The following NEUROD4 variants were observed in gnomAD, a reference collection of about 807,000 sequenced individuals.
The protein encoded by NEUROD4 is neurogenic differentiation factor 4.
NEUROD4 carries 16 observed loss-of-function variants against 19.8 expected under a neutral mutation model. The ratio of observed to expected loss-of-function variants is 0.81; its 90% CI spans 0.55 to 1.23. The LOEUF (loss-of-function observed/expected upper bound fraction) is 1.23. Ranked by LOEUF, NEUROD4 falls within the 50% of genes most tolerant of loss-of-function variation. The pLI is 0.00. For missense variants in NEUROD4, 439 were observed against 398.6 expected (o/e 1.10, Z -0.86); for synonymous variants, 153 against 147.9 (o/e 1.03, Z -0.25).
At chr12:55,023,640 CATGGGATTCTCTTGGAAGTTA>C (rs1565595761) in intron 1 of NEUROD4, among the ~76,000 whole-genome samples, 2 of 152,148 alleles carry the variant, frequency 1.3e-5, no homozygotes, top group Non-Finnish European at 2.9e-5. Context: ...ACTATATACT[CATGGGATTCTCTTGGAAGTTA>C]ATGGACCGGC....
chr12:55,027,595 C>A lies in NEUROD4; in HGVS notation c.*160C>A, dbSNP rs1248864693. The A allele has an allele frequency of 4.5e-6, 3 of 665,082 alleles. No individual in the cohort carries two copies. Among genetic ancestry groups the A allele is most frequent in the Non-Finnish European group, 7.9e-6 (3 of 381,030 alleles). The allele number at this position is 665,082 out of a possible 1,614,324, so 41.2% of individuals were successfully genotyped here. A position where few individuals can be genotyped will look rare whatever the true frequency, so the allele number is the denominator to read the frequency against. On this transcript the variant is annotated 3_prime_UTR_variant, in exon 2 of 2. Transcript: ENST00000242994. ...TTCCTTCACCTATCACCTCTTTTCT[C>A]ATCACCTTCTCACATTGCATTGATT...
chr12:55,028,435 G>A lies in NEUROD4; in HGVS notation c.*1000G>A, dbSNP rs749091948. On this transcript the variant is annotated 3_prime_UTR_variant, in exon 2 of 2. Transcript: ENST00000242994. ...TTAAAGAGCAATAAAATAGCTATTGGCTATAATAACTACTATAGTTCAGGG... is the reference window on the plus strand; with the variant it reads ...TTAAAGAGCAATAAAATAGCTATTGACTATAATAACTACTATAGTTCAGGG... 29 of 167,000 alleles carry A rather than the reference G, an allele frequency of 1.7e-4. 1 individual carries two copies. The highest frequency in any genetic ancestry group is 4.0e-4 in the Non-Finnish European group (27 of 68,096). 10.3% of individuals were successfully genotyped at this position (167,000 alleles called of 1,614,324 possible).
intron 1 of NEUROD4, among the ~76,000 whole-genome samples, chr12:55,022,971 C>A (rs1952684741): frequency 6.6e-6 from 1 of 151,988 alleles, no homozygotes; most frequent in Admixed American, 6.6e-5. Flanking sequence ...AGAACAATAC[C>A]TAAAACTTAA....
rs1285212007 is a variant in NEUROD4 at position 55,020,227 on chromosome 12, C to G, written c.-96C>G. ...TCGCTGAAAGCGTCTCTTCTACCAT[C>G]TGGATGGTCAGGGAGACTTGGCTTC... On this transcript the variant is annotated 5_prime_UTR_variant, in exon 1 of 2. In the 5' UTR this introduces an upstream ATG that the reference lacks. Coordinates refer to ENST00000242994, the MANE Select transcript of NEUROD4 (RefSeq NM_021191.3). 1 of 152,274 alleles carries G rather than the reference C, an allele frequency of 6.6e-6. No homozygotes were observed. The highest frequency in any genetic ancestry group is 2.4e-5 in the African/African-American group (1 of 41,468). The allele number at this position is 152,274 out of a possible 1,614,324, so 9.4% of individuals were successfully genotyped here. A position where few individuals can be genotyped will look rare whatever the true frequency, so the allele number is the denominator to read the frequency against.
intron 1 of NEUROD4, among the ~76,000 whole-genome samples, chr12:55,022,038 C>T (rs1952676785): frequency 1.3e-5 from 2 of 152,122 alleles, no homozygotes; most frequent in Non-Finnish European, 2.9e-5. Flanking sequence ...AAACAATTGC[C>T]AACCCTCACA....
Position 55,025,862 on chromosome 12 carries a change from T to C in NEUROD4, c.-9-569T>C, listed in dbSNP as rs1020676181. Among the ~76,000 whole-genome samples, 9 of 152,356 alleles carry C rather than the reference T, an allele frequency of 5.9e-5. No homozygotes were observed. The South Asian group carries it at 1.2e-3, about 21-fold the overall frequency. Reference sequence around the variant, plus strand: ...AGGCTAGATGGATGTGAAATGCTTCTAAATACAGGTTGAGTAGTCTTTTGT... The same window carrying C: ...AGGCTAGATGGATGTGAAATGCTTCCAAATACAGGTTGAGTAGTCTTTTGT... On this transcript the variant is annotated intron_variant, in intron 1 of 1. Transcript: ENST00000242994.
chr12:55,025,117 T>C (rs1241759767), intron 1 of NEUROD4, among the ~76,000 whole-genome samples: 2 of 152,254 alleles, frequency 1.3e-5, no homozygotes, highest in Non-Finnish European at 1.5e-5. Flanking sequence ...TATCAGATAC[T>C]TTTATTTGGT....
In NEUROD4 at chr12:55,026,683, C is replaced by T; in HGVS notation, c.244C>T (p.Leu82Phe). 6.2e-7 allele frequency: 1 copy of T among 1,614,134 alleles called. No homozygotes were observed. Among genetic ancestry groups the T allele is most frequent in the African/African-American group, 1.3e-5 (1 of 75,030 alleles). ...GAAAAAGAAGATGACCAAAGCTCGC[C>T]TTGAGAGATTCAGGGCTCGAAGAGT... ...PKKKKMTKARLERFRARRVKA... is the reference protein window; with the variant it reads ...PKKKKMTKARFERFRARRVKA... The change falls in exon 2 of 2, where the codon CTT (leucine) becomes TTT (phenylalanine). Residue 82 changes from leucine to phenylalanine, a missense_variant. Leu to Phe is a conservative substitution (Grantham distance 22). Transcript: ENST00000242994.
At position 55,022,588 on chromosome 12, in the gene NEUROD4, G is replaced by A. The variant is rs775086194; in HGVS notation, c.-10+2275G>A. ...GGTTTTGGTGGGAAAAATTGTATTC[G>A]CAATACAGAAGGTTCATGAATCTGA... On this transcript the variant is annotated intron_variant, in intron 1 of 1. Coordinates refer to ENST00000242994, the MANE Select transcript of NEUROD4 (RefSeq NM_021191.3). Among the ~76,000 whole-genome samples the A allele has an allele frequency of 1.2e-4, 19 of 152,004 alleles. No homozygotes were observed. The East Asian group carries it at 2.9e-3, about 23-fold the overall frequency.
intron 1 of NEUROD4, among the ~76,000 whole-genome samples, chr12:55,021,920 A>G (rs1012841921): frequency 2.0e-5 from 3 of 152,088 alleles, no homozygotes; most frequent in African/African-American, 4.8e-5. Flanking sequence ...CCTATTTCCT[A>G]TGTAATTTGT....
chr12:55,021,235 G>A (rs1345425554), intron 1 of NEUROD4, among the ~76,000 whole-genome samples: 1 of 152,188 alleles, frequency 6.6e-6, no homozygotes, highest in East Asian at 1.9e-4. Context: ...GAAAAGAAGA[G>A]CATAGAGCAA....
chr12:55,027,185 A>G lies in NEUROD4; in HGVS notation c.746A>G (p.Tyr249Cys), dbSNP rs1439114312. 4.3e-6 allele frequency: 7 copies of G among 1,613,902 alleles called. No individual in the cohort carries two copies. Among genetic ancestry groups the G allele is most frequent in the Non-Finnish European group, 5.9e-6 (7 of 1,179,970 alleles). Residue 249 changes from tyrosine (Y) to cysteine (C), a missense_variant, in exon 2 of 2, where the codon TAT becomes TGT. Tyr to Cys is a radical substitution (Grantham distance 194, BLOSUM62 -2). Transcript: ENST00000242994. ...SHLPDCSTPP[Y>C]EGPLTPPLSI... ...CTGCCTGACTGCAGTACACCCCCTT[A>G]TGAGGGCCCACTCACTCCACCCCTG...
At position 55,027,379 on chromosome 12, in the gene NEUROD4, G is replaced by T; in HGVS notation, c.940G>T (p.Asp314Tyr). The T allele has an allele frequency of 6.2e-7, 1 of 1,613,826 alleles. No individual in the cohort carries two copies. Among genetic ancestry groups the T allele is most frequent in the Non-Finnish European group, 8.5e-7 (1 of 1,179,846 alleles). ...RYDVPIDMSY[D>Y]SYPHHGIGTQ... Reference sequence around the variant, plus strand: ...TGATGTTCCTATAGACATGTCCTATGATTCCTACCCCCATCATGGTATTGG... The same window carrying T: ...TGATGTTCCTATAGACATGTCCTATTATTCCTACCCCCATCATGGTATTGG... The change falls in exon 2 of 2, where the codon GAT becomes TAT. Residue 314 changes from aspartate to tyrosine, a missense_variant. Coordinates refer to ENST00000242994, the MANE Select transcript of NEUROD4 (RefSeq NM_021191.3).
At position 55,021,457 on chromosome 12, in the gene NEUROD4, A is replaced by G. The variant is rs115779839; in HGVS notation, c.-10+1144A>G. On this transcript the variant is annotated intron_variant, in intron 1 of 1. Coordinates refer to ENST00000242994, the MANE Select transcript of NEUROD4 (RefSeq NM_021191.3). ...ATCACCAGCTTTTAAGAGGAAAGAC[A>G]CCATCTAACTACCACAAATCCACAT... 6.7e-3 allele frequency among the ~76,000 whole-genome samples: 1,021 copies of G among 152,326 alleles called. 17 individuals carry two copies. Among genetic ancestry groups the G allele is most frequent in the African/African-American group, 0.023 (959 of 41,580 alleles).
chr12:55,021,988 T>C (rs1028726587), intron 1 of NEUROD4, among the ~76,000 whole-genome samples: 2 of 152,166 alleles, frequency 1.3e-5, no homozygotes, highest in Admixed American at 1.3e-4. Flanking sequence ...CATGATGCTT[T>C]GTGAGATAGT....
intron 1 of NEUROD4, among the ~76,000 whole-genome samples, 182 bp from the exon 2 acceptor site, chr12:55,026,249 T>A (rs184901629): frequency 2.0e-5 from 3 of 152,308 alleles, no homozygotes; most frequent in African/African-American, 7.2e-5. Flanking sequence ...CAATTTTCTT[T>A]TTCTATAATA....
At chr12:55,022,167 T>C (rs778143854) in intron 1 of NEUROD4, among the ~76,000 whole-genome samples, 18 of 152,148 alleles carry the variant, frequency 1.2e-4, no homozygotes, top group Non-Finnish European at 5.9e-5. Flanking sequence ...GGTACAAAAA[T>C]TACAATAATT....
At chr12:55,021,168 G>T (rs935591513) in intron 1 of NEUROD4, among the ~76,000 whole-genome samples, 2 of 152,172 alleles carry the variant, frequency 1.3e-5, no homozygotes, top group Non-Finnish European at 2.9e-5. Flanking sequence ...GTGTGTGTAT[G>T]TGCATGCATG....
intron 1 of NEUROD4, among the ~76,000 whole-genome samples, 157 bp from the exon 2 acceptor site, chr12:55,026,274 A>G (rs1032171206): frequency 1.3e-5 from 2 of 152,228 alleles, no homozygotes; most frequent in African/African-American, 4.8e-5. Flanking sequence ...TTCTTATACT[A>G]TGCCATAACT....
Sources: gnomAD v4.1 joint callset for allele counts (sites outside exome capture counted in the v4.1 genomes callset) on GRCh38, gnomAD v4.1.1 for gene constraint, MANE v1.5 for transcripts, NCBI Gene and HGNC (gene_info 2026-07-23, HGNC 2026-07-21) for gene names.